ZAN: variants seen among roughly 807,000 people sequenced by gnomAD.
ZAN encodes the protein zonadhesin, also known as zonadhesin (gene/pseudogene).
ZAN carries 260 observed loss-of-function variants against 286.2 expected under a neutral mutation model. The observed-to-expected ratio is 0.91, with a 90% CI of 0.82 to 1.01. The LOEUF (loss-of-function observed/expected upper bound fraction) is 1.01, where lower values mean the gene tolerates loss of function less well. ZAN is among the 50% of genes least tolerant of loss of function. The probability of loss-of-function intolerance (pLI) is 0.00; values close to 1 mark genes in which losing one functional copy is unlikely to be tolerated. For synonymous variants in ZAN, 1,368 were observed against 1,417.5 expected (o/e 0.97, Z 0.79); for missense variants, 3,410 against 3,639.2 (o/e 0.94, Z 1.62).
intron 7 of ZAN, among the ~76,000 whole-genome samples, chr7:100,743,780 C>A (rs895076591): frequency 6.6e-6 from 1 of 151,342 alleles, no homozygotes; most frequent in African/African-American, 2.4e-5. Context: ...GGGAGGCTGA[C>A]GTGGGAGGAC....
chr7:100,738,894 TCCCTCTCCCTCTCCCTCTCCC>T, intron 7 of ZAN, among the ~76,000 whole-genome samples: 1 of 2,474 alleles, frequency 4.0e-4, no homozygotes, highest in Non-Finnish European at 9.4e-4. Flanking sequence ...CCTCTCCCTC[TCCCTCTCCCTCTCCCTCTCCC>T]TCTCCCTCTC....
Position 100,776,450 on chromosome 7 carries a change from T to C in ZAN, c.6203T>C (p.Met2068Thr), listed in dbSNP as rs866924353. ...ACTCTCCCCCGCCAGGTCTGCGGCA[T>C]GTGTGGGAACTTCAATGATGAGGAA... ...PTTYYGKVCG[M>T]CGNFNDEEED... is the part of the protein sequence containing the mutation. The change falls in exon 34 of 48, where the codon ATG becomes ACG. Residue 2068 changes from methionine (M) to threonine (T), a missense_variant. This residue lies in a region of ZAN where 1,289 missense variants were observed against 1,314.3 expected (regional missense o/e 0.98). Transcript: ENST00000613979. 6.2e-7 allele frequency: 1 copy of C among 1,606,372 alleles called. No homozygotes were observed.
rs775221353 is a variant in ZAN, at chr7:100,769,987, C to T, written c.5248+13C>T. ...ATAAACCCTCAGGGTAAGACATGTCCCTGCTGGCCCTTTTTCCTCCCTGAA... is the reference window on the plus strand; with the variant it reads ...ATAAACCCTCAGGGTAAGACATGTCTCTGCTGGCCCTTTTTCCTCCCTGAA... On this transcript the variant is annotated intron_variant, in intron 28 of 47. Transcript: ENST00000613979. 6.4e-6 allele frequency: 10 copies of T among 1,553,996 alleles called. No individual in the cohort carries two copies. The highest frequency in any genetic ancestry group is 8.7e-6 in the Non-Finnish European group (10 of 1,147,956).
intron 42 of ZAN, 66 bp downstream of exon 42, chr7:100,792,545 G>A: frequency 6.2e-7 from 1 of 1,603,526 alleles, no homozygotes; most frequent in Non-Finnish European, 8.5e-7. Context: ...ACCCTCTGCG[G>A]TGAGGTGTTG....
At chr7:100,787,120 T>C (rs1286351079) in intron 37 of ZAN, among the ~76,000 whole-genome samples, 1 of 150,918 alleles carries the variant, frequency 6.6e-6, no homozygotes, top group Non-Finnish European at 1.5e-5. Flanking sequence ...TCAGTAGGTA[T>C]TGAAAAAAAA....
rs1488188998 is a variant in ZAN at position 100,736,852 on chromosome 7, G to C, written c.297G>C (p.Gly99=). ...LHMESNSFHR[G]GVARLLSPDL... ...TGGAATCGAACAGCTTCCACCGTGG[G>C]GGAGTGGCCCGCCTGCTCAGCCCCG... Residue 99 remains glycine (G), a synonymous_variant, in exon 5 of 48, where the codon GGG becomes GGC. Transcript: ENST00000613979. The C allele has an allele frequency of 6.7e-7, 1 of 1,483,926 alleles. No homozygotes were observed. Among genetic ancestry groups the C allele is most frequent in the African/African-American group, 1.4e-5 (1 of 70,684 alleles). 91.9% of individuals were successfully genotyped at this position (1,483,926 alleles called of 1,614,324 possible). A position where few individuals can be genotyped will look rare whatever the true frequency, so the allele number is the denominator to read the frequency against.
chr7:100,734,592 C>G lies in ZAN; in HGVS notation c.53+371C>G, dbSNP rs1317707313. On this transcript the variant is annotated intron_variant, in intron 2 of 47. Coordinates refer to ENST00000613979, the MANE Select transcript of ZAN (RefSeq NM_003386.3). The stretch of plus-strand genomic sequence containing the variant: ...TGAGATCATGCCATTGCACTCCAGC[C>G]TGGATGACAGAGCGAGACTCCGTCT... Among the ~76,000 whole-genome samples the G allele has an allele frequency of 4.6e-5, 6 of 131,452 alleles. 2 individuals carry two copies. In the Admixed American group the frequency reaches 4.6e-4, roughly 10 times the overall value. 86.2% of individuals were successfully genotyped at this position (131,452 alleles called of 152,430 possible). A position where few individuals can be genotyped will look rare whatever the true frequency, so the allele number is the denominator to read the frequency against.
chr7:100,779,722 C>T lies in ZAN; in HGVS notation c.6594C>T (p.Pro2198=), dbSNP rs1811076066. 12 of 1,555,836 alleles carry T rather than the reference C, an allele frequency of 7.7e-6. No homozygotes were observed. In the East Asian group the frequency reaches 1.5e-4, roughly 19 times the overall value. Residue 2198 remains proline, a synonymous_variant, in exon 35 of 48, where the codon CCC becomes CCT. Transcript: ENST00000613979. ...GATCQSQGLK[P]PLWRNSSFCP... is the part of the protein sequence containing the mutation. ...CCTGCCAGAGCCAGGGGCTCAAGCC[C>T]CCACTCTGGAGAAACAGCAGCTTCT...
Position 100,758,553 on chromosome 7 carries a change from C to T in ZAN, c.3474C>T (p.Val1158=), listed in dbSNP as rs1315666277. ...CAGCAGGCACTGCCACCTGCTTGGT[C>T]TACGGAGACCCTCATTATGTCACCT... The part of the protein sequence containing the change: ...HPYAGTATCL[V]YGDPHYVTFD... The change falls in exon 17 of 48, where the codon GTC becomes GTT. Residue 1158 remains valine, a synonymous_variant. Transcript: ENST00000613979. 4 of 1,562,338 alleles carry T rather than the reference C, an allele frequency of 2.6e-6. No individual in the cohort carries two copies. In the Admixed American group the frequency reaches 7.7e-5, roughly 30 times the overall value.
chr7:100,745,022 T>G lies in ZAN; in HGVS notation c.767-1516T>G, dbSNP rs534300204. The stretch of plus-strand genomic sequence containing the variant: ...CCTCAGCCTCCCGAGTAGCTGGGAT[T>G]ACAGATGCCCGCCACCACGCCCGGC... On this transcript the variant is annotated intron_variant, in intron 7 of 47. Coordinates refer to ENST00000613979, the MANE Select transcript of ZAN (RefSeq NM_003386.3). Among the ~76,000 whole-genome samples the G allele has an allele frequency of 2.0e-5, 3 of 151,630 alleles. No homozygotes were observed. The South Asian group carries it at 6.3e-4, about 32-fold the overall frequency.
chr7:100,764,013 G>A lies in ZAN; in HGVS notation c.4098-14G>A. The A allele has an allele frequency of 6.2e-7, 1 of 1,613,766 alleles. No individual in the cohort carries two copies. The highest frequency in any genetic ancestry group is 8.5e-7 in the Non-Finnish European group (1 of 1,179,804). On this transcript the variant is annotated splice_polypyrimidine_tract_variant and intron_variant, in intron 21 of 47. Transcript: ENST00000613979. ...CTTCCACTGCATTCCCCCTGACTTG[G>A]TCACTCCCCTCAGGACATGCCTGCT...
At position 100,791,072 on chromosome 7, in the gene ZAN, C is replaced by T. The variant is rs1584634197; in HGVS notation, c.7488C>T (p.Ser2496=). ...AGAACCTCAACACCTTTGGCAACAGCTGGGAGGTGAAGACCGAGGACGCAC... is the reference window on the plus strand; with the variant it reads ...AGAACCTCAACACCTTTGGCAACAGTTGGGAGGTGAAGACCGAGGACGCAC... ...LTQNLNTFGN[S]WEVKTEDALL... Residue 2496 remains serine (S), a synonymous_variant, in exon 40 of 48, where the codon AGC becomes AGT. Coordinates refer to ENST00000613979, the MANE Select transcript of ZAN (RefSeq NM_003386.3). The T allele has an allele frequency of 6.2e-7, 1 of 1,613,130 alleles. No homozygotes were observed. Among genetic ancestry groups the T allele is most frequent in the Non-Finnish European group, 8.5e-7 (1 of 1,179,696 alleles).
chr7:100,779,462 G>GT lies in ZAN; in HGVS notation c.6335dup (p.Asp2113ArgfsTer2). On this transcript the variant is annotated frameshift_variant, in exon 35 of 48. Transcript: ENST00000613979. LOFTEE classifies it high-confidence loss of function. The stretch of plus-strand genomic sequence containing the variant: ...CCTTCCCAGTTGTCAGAGTCTCCTG[G>GT]TAGATGAGCAGCAGATTCCAGCGGA... 6.2e-7 allele frequency: 1 copy of GT among 1,607,134 alleles called. No homozygotes were observed. The highest frequency in any genetic ancestry group is 2.2e-5 in the East Asian group (1 of 44,676).
chr7:100,778,534 G>C (rs1810969946), intron 34 of ZAN, among the ~76,000 whole-genome samples: 2 of 152,094 alleles, frequency 1.3e-5, no homozygotes, highest in South Asian at 4.2e-4. Context: ...CTTGGGCCTG[G>C]GAGATTGAAG....
rs374091129 is a variant in ZAN, at chr7:100,737,306, C to G, written c.570C>G (p.Ile190Met). The change falls in exon 6 of 48, where the codon ATC becomes ATG. Residue 190 changes from isoleucine to methionine, a missense_variant. Physicochemically the swap from Ile to Met is conservative, Grantham distance 10 (BLOSUM62 1). Coordinates refer to ENST00000613979, the MANE Select transcript of ZAN (RefSeq NM_003386.3). The part of the protein sequence containing the change: ...GTRGSTAYLD[I>M]ALDALSIRRG... ...GGGGTAGCACTGCCTACCTGGACAT[C>G]GCCCTGGATGCCCTCTCTATCCGCC... The G allele has an allele frequency of 6.0e-6, 9 of 1,488,832 alleles. 2 individuals carry two copies. The East Asian group carries it at 1.9e-4, about 31-fold the overall frequency. The allele number at this position is 1,488,832 out of a possible 1,614,324, so 92.2% of individuals were successfully genotyped here.
Position 100,787,915 on chromosome 7 carries a change from G to A in ZAN, c.7006G>A (p.Asp2336Asn), listed in dbSNP as rs938317587. ...GTCTGAACAATGCTCAGTCTATGGC[G>A]ACCCCCGTTACCTCACATTTGACGG... The part of the protein sequence containing the change: ...DKSEQCSVYG[D>N]PRYLTFDGFS... The change falls in exon 38 of 48, where the codon GAC (aspartate) becomes AAC (asparagine). Residue 2336 changes from aspartate (D) to asparagine (N), a missense_variant. Asp to Asn is a conservative substitution (Grantham distance 23). This residue lies in a region of ZAN where 1,289 missense variants were observed against 1,314.3 expected (regional missense o/e 0.98). Transcript: ENST00000613979. 37 of 1,542,072 alleles carry A rather than the reference G, an allele frequency of 2.4e-5. 1 individual carries two copies. The highest frequency in any genetic ancestry group is 4.5e-5 in the East Asian group (2 of 44,764).
At chr7:100,761,321 TAGTG>T (rs1426263659) in intron 19 of ZAN, among the ~76,000 whole-genome samples, 1 of 152,104 alleles carries the variant, frequency 6.6e-6, no homozygotes, top group East Asian at 1.9e-4. Context: ...CTGGGCAACA[TAGTG>T]AGACCATATC....
chr7:100,750,961 G>A (rs909474109), intron 12 of ZAN, 65 bp downstream of exon 12: 65 of 1,510,354 alleles, frequency 4.3e-5, no homozygotes, highest in Non-Finnish European at 3.0e-5. Context: ...GGATCTGGGG[G>A]CGCCACCAGT....
chr7:100,753,057 C>A lies in ZAN; in HGVS notation c.2952C>A (p.Thr984=), dbSNP rs780248112. The change falls in exon 14 of 48, where the codon ACC becomes ACA. Residue 984 remains threonine, a synonymous_variant. Transcript: ENST00000613979. ...EKLTIPTEKP[T]IPTEKPTIPT... is the part of the protein sequence containing the mutation. ...TTACCATCCCCACGGAAAAACCCAC[C>A]ATCCCCACAGAAAAACCCACCATTC... 12 of 1,613,814 alleles carry A rather than the reference C, an allele frequency of 7.4e-6. No homozygotes were observed. The Admixed American group carries it at 2.0e-4, about 27-fold the overall frequency.
Sources: allele counts gnomAD v4.1 joint callset (sites outside exome capture counted in the v4.1 genomes callset), GRCh38; gene constraint gnomAD v4.1.1; regional missense constraint gnomAD v4.1.1; transcripts MANE v1.5; gene names NCBI Gene and HGNC (gene_info 2026-07-23, HGNC 2026-07-21).